The following MPHOSPH8 variants were observed in gnomAD, a reference collection of about 807,000 sequenced individuals.
MPHOSPH8 encodes M-phase phosphoprotein 8.
MPHOSPH8 carries 45 observed loss-of-function variants against 87.3 expected under a neutral mutation model. The observed-to-expected ratio is 0.52, with a 90% CI of 0.41 to 0.66. The LOEUF (loss-of-function observed/expected upper bound fraction) is 0.66. MPHOSPH8 is among the 30% of genes least tolerant of loss of function. The pLI is 0.00. For synonymous variants in MPHOSPH8, 366 were observed against 376.9 expected (o/e 0.97, Z 0.33); for missense variants, 883 against 1,020.2 (o/e 0.87, Z 1.83).
At chr13:19,641,320 AATTTTTTT>A (rs1874274787) in intron 1 of MPHOSPH8, among the ~76,000 whole-genome samples, 1 of 60,606 alleles carries the variant, frequency 1.7e-5, no homozygotes, top group African/African-American at 6.7e-5. Context: ...GTGCCCAGCT[AATTTTTTT>A]TTTTTTTTTT....
Position 19,651,969 on chromosome 13 carries a change from G to C in MPHOSPH8, c.1576+1709G>C, listed in dbSNP as rs534733293. On this transcript the variant is annotated intron_variant, in intron 5 of 13. Transcript: ENST00000361479. ...AAAAAAAAATTCGCTGGGCATGGTGGTGCGTGCCTGCAGTCCCAGCCACTT... is the reference window on the plus strand; with the variant it reads ...AAAAAAAAATTCGCTGGGCATGGTGCTGCGTGCCTGCAGTCCCAGCCACTT... Among the ~76,000 whole-genome samples, 12 of 152,134 alleles carry C rather than the reference G, an allele frequency of 7.9e-5. No homozygotes were observed. In the East Asian group the frequency reaches 2.1e-3, roughly 27 times the overall value.
intron 7 of MPHOSPH8, chr13:19,659,710 T>G (rs755990786): frequency 2.8e-5 from 12 of 422,828 alleles, no homozygotes; most frequent in Non-Finnish European, 1.4e-5. Context: ...AATAAAAAAA[T>G]TGTAGAACCC....
At chr13:19,650,754 C>G (rs576034852) in intron 5 of MPHOSPH8, among the ~76,000 whole-genome samples, 165 of 86,466 alleles carry the variant, frequency 1.9e-3, no homozygotes, top group African/African-American at 4.2e-3. Flanking sequence ...ATGTTTATAA[C>G]TAGGACCTAA....
At chr13:19,643,599 T>G (rs1446970324) in intron 2 of MPHOSPH8, among the ~76,000 whole-genome samples, 1 of 152,236 alleles carries the variant, frequency 6.6e-6, no homozygotes, top group African/African-American at 2.4e-5. Context: ...CCCTTTGCCC[T>G]TCCTTTAAAA....
intron 7 of MPHOSPH8, chr13:19,659,666 A>G: frequency 3.0e-6 from 1 of 330,842 alleles, no homozygotes; most frequent in South Asian, 2.5e-5. Context: ...TCCCATCTCA[A>G]AAAAAAAAAA....
At position 19,633,981 on chromosome 13, in the gene MPHOSPH8, C is replaced by A; in HGVS notation, c.213+20C>A. On this transcript the variant is annotated intron_variant, in intron 1 of 13. Coordinates refer to ENST00000361479, the MANE Select transcript of MPHOSPH8 (RefSeq NM_017520.4). ...GAGGGGGTATGTGGAGGGGCCCCGG[C>A]GCGGGGCTGGGCGGGGAGCTCCGGG... The A allele has an allele frequency of 6.3e-7, 1 of 1,595,736 alleles. No homozygotes were observed. The highest frequency in any genetic ancestry group is 8.5e-7 in the Non-Finnish European group (1 of 1,172,034).
chr13:19,643,492 C>T (rs1565934075), intron 2 of MPHOSPH8, among the ~76,000 whole-genome samples: 2 of 152,174 alleles, frequency 1.3e-5, no homozygotes, highest in Admixed American at 1.3e-4. Context: ...GTAATCCTCG[C>T]ACCTCGGCCT....
At chr13:19,641,702 G>T (rs1193456248) in intron 1 of MPHOSPH8, among the ~76,000 whole-genome samples, 2 of 151,880 alleles carry the variant, frequency 1.3e-5, no homozygotes, top group Non-Finnish European at 2.9e-5. Flanking sequence ...CACCATGTTG[G>T]CCAGGCTGGT....
chr13:19,662,268 T>G (rs1175929252), intron 8 of MPHOSPH8, among the ~76,000 whole-genome samples: 2 of 151,998 alleles, frequency 1.3e-5, no homozygotes, highest in South Asian at 2.1e-4. Flanking sequence ...TTTTAAAAAT[T>G]TATTTTTAGA....
chr13:19,664,577 T>C (rs962546513), intron 9 of MPHOSPH8, among the ~76,000 whole-genome samples: 2 of 152,110 alleles, frequency 1.3e-5, no homozygotes, highest in Non-Finnish European at 2.9e-5. Context: ...AAGAAGATAG[T>C]TTGCAAACTT....
chr13:19,637,562 A>G (rs1324221483), intron 1 of MPHOSPH8, among the ~76,000 whole-genome samples: 1 of 151,992 alleles, frequency 6.6e-6, no homozygotes, highest in Non-Finnish European at 1.5e-5. Context: ...TTAGCTGATA[A>G]AATCCACCCG....
chr13:19,646,451 C>T lies in MPHOSPH8; in HGVS notation c.378C>T (p.Ser126=). 2 of 1,490,678 alleles carry T rather than the reference C, an allele frequency of 1.3e-6. No individual in the cohort carries two copies. Among genetic ancestry groups the T allele is most frequent in the Admixed American group, 2.6e-5 (1 of 38,560 alleles). The allele number at this position is 1,490,678 out of a possible 1,614,324, so 92.3% of individuals were successfully genotyped here. ...TGTTTTGTATTTTATAGAGACTATCCTTAAATAACGACATATTTGAGGCGA... is the reference window on the plus strand; with the variant it reads ...TGTTTTGTATTTTATAGAGACTATCTTTAAATAACGACATATTTGAGGCGA... ...KAVRKDIQRL[S]LNNDIFEANS... The change falls in exon 3 of 14, where the codon TCC becomes TCT. Residue 126 remains serine (S), a synonymous_variant. Transcript: ENST00000361479.
Position 19,646,481 on chromosome 13 carries a change from T to A in MPHOSPH8, c.408T>A (p.Ser136=). Residue 136 remains serine (S), a synonymous_variant, in exon 3 of 14, where the codon TCT becomes TCA. Transcript: ENST00000361479. The part of the protein sequence containing the change: ...SLNNDIFEAN[S]DSDQQSETKE... ...ATAACGACATATTTGAGGCGAACTC[T>A]GATAGCGATCAGCAAAGTGAGACAA... The A allele has an allele frequency of 6.5e-7, 1 of 1,549,634 alleles. No homozygotes were observed. Among genetic ancestry groups the A allele is most frequent in the Non-Finnish European group, 8.6e-7 (1 of 1,159,584 alleles).
In MPHOSPH8 at chr13:19,673,327, T is replaced by A. The variant is rs2137552358; in HGVS notation, c.*1452T>A. 1 of 301,162 alleles carries A rather than the reference T, an allele frequency of 3.3e-6. No individual in the cohort carries two copies. The highest frequency in any genetic ancestry group is 2.2e-5 in the African/African-American group (1 of 46,248). The allele number at this position is 301,162 out of a possible 1,614,324, so 18.7% of individuals were successfully genotyped here. The stretch of plus-strand genomic sequence containing the variant: ...AGTTTATAATTGTATGAAATACGAT[T>A]TTAATGAAAACTTTTCAGAATTCAC... On this transcript the variant is annotated 3_prime_UTR_variant, in exon 14 of 14. Coordinates refer to ENST00000361479, the MANE Select transcript of MPHOSPH8 (RefSeq NM_017520.4).
intron 1 of MPHOSPH8, among the ~76,000 whole-genome samples, chr13:19,637,876 C>T (rs1466984067): frequency 2.6e-5 from 4 of 151,680 alleles, no homozygotes; most frequent in African/African-American, 9.7e-5. Context: ...CCAAGGCAGG[C>T]GGATCACGAA....
At position 19,633,943 on chromosome 13, in the gene MPHOSPH8, G is replaced by C. The variant is rs1566107288; in HGVS notation, c.195G>C (p.Leu65=). The part of the protein sequence containing the change: ...GEDVFEVEKI[L]DMKTEGGKVL... ...ATGTGTTCGAGGTGGAGAAGATCCT[G>C]GACATGAAGACCGAGGGGGTATGTG... The change falls in exon 1 of 14, where the codon CTG becomes CTC. Residue 65 remains leucine (L), a synonymous_variant. Coordinates refer to ENST00000361479, the MANE Select transcript of MPHOSPH8 (RefSeq NM_017520.4). 2 of 1,609,382 alleles carry C rather than the reference G, an allele frequency of 1.2e-6. No individual in the cohort carries two copies. The highest frequency in any genetic ancestry group is 2.7e-5 in the African/African-American group (2 of 74,922).
In MPHOSPH8 at chr13:19,663,043, TTTTTAACA is replaced by T; in HGVS notation, c.1937_1944del (p.Phe646TyrfsTer20). 6.2e-7 allele frequency: 1 copy of T among 1,611,608 alleles called. No homozygotes were observed. The highest frequency in any genetic ancestry group is 8.5e-7 in the Non-Finnish European group (1 of 1,177,856). ...TTGCCTTTTTTTCTTTTCATAGAAC[TTTTTAACA>T]ACAGTGGCTATTCTTTTGGAAGCAG... On this transcript the variant is annotated frameshift_variant, in exon 9 of 14. Coordinates refer to ENST00000361479, the MANE Select transcript of MPHOSPH8 (RefSeq NM_017520.4). LOFTEE classifies it high-confidence loss of function.
intron 5 of MPHOSPH8, among the ~76,000 whole-genome samples, chr13:19,653,531 C>G (rs777899188): frequency 3.9e-5 from 6 of 152,070 alleles, no homozygotes; most frequent in Admixed American, 6.5e-5. Context: ...CAACTCCTCG[C>G]CAAGGGAACA....
Position 19,665,138 on chromosome 13 carries a change from C to T in MPHOSPH8, c.2020-1287C>T, listed in dbSNP as rs542948573. Among the ~76,000 whole-genome samples the T allele has an allele frequency of 1.1e-4, 17 of 151,904 alleles. No individual in the cohort carries two copies. The South Asian group carries it at 3.1e-3, about 28-fold the overall frequency. On this transcript the variant is annotated intron_variant, in intron 9 of 13. Coordinates refer to ENST00000361479, the MANE Select transcript of MPHOSPH8 (RefSeq NM_017520.4). ...GGCTCTGGAAGTGGGTTGGGGAGGG[C>T]GTGGCGTTTCTTCCCTGAGCGGACA...
Sources: allele counts gnomAD v4.1 joint callset (sites outside exome capture counted in the v4.1 genomes callset), GRCh38; gene constraint gnomAD v4.1.1; transcripts MANE v1.5; gene names NCBI Gene and HGNC (gene_info 2026-07-23, HGNC 2026-07-21).